Variants in PAK5 observed in about 807,000 individuals in gnomAD.
PAK5 encodes p21 (RAC1) activated kinase 5, also known as serine/threonine-protein kinase PAK 5.
PAK5 carries 16 observed loss-of-function variants against 65.9 expected under a neutral mutation model. The observed-to-expected ratio is 0.24, with a 90% CI of 0.16 to 0.37. PAK5 has a LOEUF of 0.37. PAK5 is among the 10% of genes least tolerant of loss of function. The probability of loss-of-function intolerance (pLI) is 1.00; values close to 1 mark genes in which losing one functional copy is unlikely to be tolerated. For synonymous variants in PAK5, 371 were observed against 354.9 expected (o/e 1.05, Z -0.51); for missense variants, 785 against 903.9 (o/e 0.87, Z 1.69).
intron 4 of PAK5, among the ~76,000 whole-genome samples, chr20:9,578,763 T>C (rs780588105): frequency 6.6e-6 from 1 of 152,140 alleles, no homozygotes; most frequent in Admixed American, 6.5e-5. Context: ...ATTTTGCTTG[T>C]GGTTAATTAG....
At chr20:9,606,774 T>C (rs1173862672) in intron 3 of PAK5, among the ~76,000 whole-genome samples, 1 of 152,200 alleles carries the variant, frequency 6.6e-6, no homozygotes, top group Non-Finnish European at 1.5e-5. Flanking sequence ...TGAAAATGTG[T>C]TGGGCTGTAC....
intron 4 of PAK5, chr20:9,577,434 C>A (rs1426204757): frequency 1.4e-5 from 2 of 145,684 alleles, no homozygotes; most frequent in South Asian, 2.2e-4. Flanking sequence ...TGACCCTCCT[C>A]ATTTCTGCTT....
At chr20:9,634,103 G>A (rs2046955629) in intron 3 of PAK5, among the ~76,000 whole-genome samples, 1 of 152,148 alleles carries the variant, frequency 6.6e-6, no homozygotes, top group Non-Finnish European at 1.5e-5. Context: ...ATTCATTCAT[G>A]AGGTCTCAGT....
chr20:9,683,839 C>G (rs966511655), intron 2 of PAK5, among the ~76,000 whole-genome samples: 1 of 152,186 alleles, frequency 6.6e-6, no homozygotes, highest in African/African-American at 2.4e-5. Context: ...CTGTCTCAGT[C>G]TCCCAAAGGG....
intron 1 of PAK5, among the ~76,000 whole-genome samples, chr20:9,767,018 C>A (rs544340280): frequency 4.6e-5 from 7 of 152,080 alleles, no homozygotes; most frequent in Admixed American, 4.6e-4. Flanking sequence ...GACCATGGCC[C>A]CCACGTTCGG....
chr20:9,793,956 A>G (rs1407548426), intron 1 of PAK5, among the ~76,000 whole-genome samples: 1 of 152,218 alleles, frequency 6.6e-6, no homozygotes, highest in African/African-American at 2.4e-5. Flanking sequence ...GACTGGATAA[A>G]GAAAATGTGG....
At chr20:9,641,876 G>C (rs1487997652) in intron 3 of PAK5, among the ~76,000 whole-genome samples, 1 of 152,172 alleles carries the variant, frequency 6.6e-6, no homozygotes, top group Non-Finnish European at 1.5e-5. Context: ...CTGGCTGGGT[G>C]CTCCGAGTGC....
intron 3 of PAK5, among the ~76,000 whole-genome samples, chr20:9,617,120 A>G (rs192889165): frequency 6.8e-4 from 104 of 152,216 alleles, no homozygotes; most frequent in African/African-American, 2.4e-3. Flanking sequence ...GTTTATCTCA[A>G]TACATAATCG....
At chr20:9,556,220 ACTC>A (rs1428670041) in intron 7 of PAK5, among the ~76,000 whole-genome samples, 1 of 152,052 alleles carries the variant, frequency 6.6e-6, no homozygotes, top group Admixed American at 6.6e-5. Flanking sequence ...AGGACTTAAA[ACTC>A]CTCATTAAAC....
At chr20:9,556,511 T>C (rs1406844883) in intron 7 of PAK5, among the ~76,000 whole-genome samples, 1 of 152,230 alleles carries the variant, frequency 6.6e-6, no homozygotes, top group African/African-American at 2.4e-5. Context: ...GACAGGAACA[T>C]CAAGGGAATG....
intron 7 of PAK5, among the ~76,000 whole-genome samples, chr20:9,544,768 A>G (rs558408424): frequency 1.2e-4 from 18 of 152,184 alleles, no homozygotes; most frequent in Non-Finnish European, 2.5e-4. Flanking sequence ...ACAACAAAAA[A>G]TCTTTACAAA....
chr20:9,802,781 C>T (rs1322131078), intron 1 of PAK5, among the ~76,000 whole-genome samples: 2 of 151,444 alleles, frequency 1.3e-5, no homozygotes, highest in East Asian at 3.9e-4. Context: ...GAAGAAGAGA[C>T]TGCATCGGTC....
rs961611828 is a variant in PAK5 at position 9,538,194 on chromosome 20, C to T, written c.*1268G>A. ...GTAGTCATTCATTTTTATCAACATT[C>T]AAGAAGATCTAGACAGCAGCACGAC... is the stretch of plus-strand genomic sequence containing the variant. On this transcript the variant is annotated 3_prime_UTR_variant, in exon 10 of 10. Transcript: ENST00000353224. 1 of 233,430 alleles carries T rather than the reference C, an allele frequency of 4.3e-6. No individual in the cohort carries two copies. The highest frequency in any genetic ancestry group is 5.6e-5 in the Admixed American group (1 of 17,778). The allele number at this position is 233,430 out of a possible 1,614,324, so 14.5% of individuals were successfully genotyped here.
chr20:9,565,809 C>A (rs2045665912), intron 5 of PAK5, 84 bp downstream of exon 5: 1 of 1,350,114 alleles, frequency 7.4e-7, no homozygotes, highest in African/African-American at 1.5e-5. Flanking sequence ...TTTCTAATGT[C>A]CTAAAATGTA....
intron 2 of PAK5, among the ~76,000 whole-genome samples, chr20:9,697,615 T>G (rs144981013): frequency 6.6e-6 from 1 of 152,286 alleles, no homozygotes; most frequent in African/African-American, 2.4e-5. Flanking sequence ...TTTGCATCCT[T>G]GTATTTCATA....
chr20:9,618,949 T>TTTA (rs1569002808), intron 3 of PAK5, among the ~76,000 whole-genome samples: 1 of 119,120 alleles, frequency 8.4e-6, no homozygotes, highest in Non-Finnish European at 1.8e-5. Context: ...TTTTTTTTTT[T>TTTA]AATCTCACTG....
rs367976201 is a variant in PAK5 at position 9,566,115 on chromosome 20, G to A, written c.1260C>T (p.Ser420=). 26 of 1,613,780 alleles carry A rather than the reference G, an allele frequency of 1.6e-5. No individual in the cohort carries two copies. In the African/African-American group the frequency reaches 2.7e-4, roughly 17 times the overall value. Residue 420 remains serine (S), a synonymous_variant, in exon 5 of 10, where the codon TCC becomes TCT. Transcript: ENST00000353224. ...GGGACACCCTGGAGGGCTGCTGGTC[G>A]GAGGAGGAGCCCCAGCTGGGCGGCG... ...TYPPPSWGSS[S]DQQPSRVSHE... is the part of the protein sequence containing the mutation.
intron 7 of PAK5, 26 bp downstream of exon 7, chr20:9,557,582 G>C (rs752518907): frequency 3.8e-6 from 6 of 1,585,912 alleles, no homozygotes; most frequent in Non-Finnish European, 5.1e-6. Context: ...GAAAAACTAC[G>C]AACGGGCCAA....
chr20:9,821,599 C>T (rs1206299211), intron 1 of PAK5, among the ~76,000 whole-genome samples: 1 of 152,136 alleles, frequency 6.6e-6, no homozygotes, highest in Non-Finnish European at 1.5e-5. Context: ...ACATTCTCAT[C>T]GAGAAAGCCA....
Sources: allele counts gnomAD v4.1 joint callset (sites outside exome capture counted in the v4.1 genomes callset), GRCh38; gene constraint gnomAD v4.1.1; transcripts MANE v1.5; gene names NCBI Gene and HGNC (gene_info 2026-07-23, HGNC 2026-07-21).